The following PDE6B variants were observed in gnomAD, a reference collection of about 807,000 sequenced individuals.
The protein encoded by PDE6B is phosphodiesterase 6B.
PDE6B carries 106 observed loss-of-function variants against 109.0 expected under a neutral mutation model. The ratio of observed to expected loss-of-function variants is 0.97; its 90% CI spans 0.83 to 1.14. PDE6B has a LOEUF of 1.14. Among genes scored for constraint, PDE6B ranks in the 50% most tolerant of loss-of-function variants. The pLI is 0.00. For synonymous variants in PDE6B, 490 were observed against 471.3 expected (o/e 1.04, Z -0.51); for missense variants, 1,193 against 1,155.6 (o/e 1.03, Z -0.47).
chr4:654,980 C>T lies in PDE6B; in HGVS notation c.992+92C>T, dbSNP rs1400700386. 3 of 838,166 alleles carry T rather than the reference C, an allele frequency of 3.6e-6. No individual in the cohort carries two copies. In the East Asian group the frequency reaches 7.3e-5, roughly 20 times the overall value. 51.9% of individuals were successfully genotyped at this position (838,166 alleles called of 1,614,324 possible). On this transcript the variant is annotated intron_variant, in intron 6 of 21. Coordinates refer to ENST00000496514, the MANE Select transcript of PDE6B (RefSeq NM_000283.4). ...CCCAGGGCCGTCCTCCCAGGGCTTC[C>T]CACGGTGCAGTCAGCAGCACCGGCC...
chr4:663,563 G>A lies in PDE6B; in HGVS notation c.1921-207G>A, dbSNP rs1265889076. Among the ~76,000 whole-genome samples the A allele has an allele frequency of 1.3e-5, 2 of 152,200 alleles. No homozygotes were observed. The highest frequency in any genetic ancestry group is 1.9e-4 in the East Asian group (1 of 5,178). The stretch of plus-strand genomic sequence containing the variant: ...GGTGGTGACCTCTGAGGCCATCTGC[G>A]TCCCAAGCCGACGATGGAGCCGCTG... On this transcript the variant is annotated intron_variant, in intron 15 of 21. Coordinates refer to ENST00000496514, the MANE Select transcript of PDE6B (RefSeq NM_000283.4). The surrounding 1 kb of genome is among the most constrained non-coding windows in gnomAD (Gnocchi z 4.0).
chr4:633,530 CCCTCT>C lies in PDE6B; in HGVS notation c.469-1146_469-1142del, dbSNP rs1734492689. On this transcript the variant is annotated intron_variant, in intron 1 of 21. Transcript: ENST00000496514. This position sits in a 1 kb window ranked among gnomAD's most constrained non-coding sequence, Gnocchi z 4.5. ...GTGGAGGGGAGTTGCGAGGAGTCTG[CCCTCT>C]GCTGCTGCAGGGCCACCGTCCCTAG... Among the ~76,000 whole-genome samples the C allele has an allele frequency of 3.9e-5, 6 of 152,276 alleles. No homozygotes were observed. The South Asian group carries it at 1.2e-3, about 32-fold the overall frequency.
At position 626,914 on chromosome 4, in the gene PDE6B, G is replaced by T. The variant is rs922197333; in HGVS notation, c.468+820G>T. On this transcript the variant is annotated intron_variant, in intron 1 of 21. Transcript: ENST00000496514. This position sits in a 1 kb window ranked among gnomAD's most constrained non-coding sequence, Gnocchi z 4.6. ...GCCCTGAGGAGCTGCCCGGCAAGGGGGCTCTGAGGAAGAAGGGGAGGGGGG... is the reference window on the plus strand; with the variant it reads ...GCCCTGAGGAGCTGCCCGGCAAGGGTGCTCTGAGGAAGAAGGGGAGGGGGG... Among the ~76,000 whole-genome samples, 1 of 152,176 alleles carries T rather than the reference G, an allele frequency of 6.6e-6. No homozygotes were observed. Among genetic ancestry groups the T allele is most frequent in the African/African-American group, 2.4e-5 (1 of 41,446 alleles).
At chr4:664,074 A>G (rs370867524) in intron 16 of PDE6B, 40 bp from the exon 17 acceptor site, 2 of 1,407,112 alleles carry the variant, frequency 1.4e-6, no homozygotes, top group African/African-American at 2.8e-5. Context: ...GGGTCTCCAC[A>G]CTTGCTCCCA....
chr4:653,093 G>A (rs979393327), intron 3 of PDE6B: 2 of 778,314 alleles, frequency 2.6e-6, no homozygotes, highest in Non-Finnish European at 1.6e-6. Context: ...GGCAACAGGA[G>A]AGCCTGGTCC....
At chr4:661,081 G>C (rs1197171945) in intron 12 of PDE6B, 1 of 166,716 alleles carries the variant, frequency 6.0e-6, no homozygotes, top group Admixed American at 5.7e-5. Context: ...ATAAGTGAAT[G>C]GATAGGTGGA....
At chr4:653,831 C>T in intron 3 of PDE6B, 21 bp from the exon 4 acceptor site, 1 of 1,613,112 alleles carries the variant, frequency 6.2e-7, no homozygotes. Context: ...CACAGGCCCA[C>T]AGGTGTGCCC....
chr4:669,323 CG>C (rs202120994), intron 21 of PDE6B, among the ~76,000 whole-genome samples: 91 of 108,842 alleles, frequency 8.4e-4, no homozygotes, highest in Middle Eastern at 0.011. Flanking sequence ...ATGCTATTCC[CG>C]CTACCCCATG....
rs145627987 is a variant in PDE6B at position 638,941 on chromosome 4, G to T, written c.711+2972G>T. Among the ~76,000 whole-genome samples the T allele has an allele frequency of 9.4e-3, 1,425 of 152,292 alleles. 9 individuals carry two copies. Among genetic ancestry groups the T allele is most frequent in the Non-Finnish European group, 0.016 (1,097 of 68,020 alleles). The stretch of plus-strand genomic sequence containing the variant: ...CCCATGCCCAGGTCATGCCTACCTG[G>T]CCATCGCTCTGGCACAGGGAGCCCA... On this transcript the variant is annotated intron_variant, in intron 3 of 21. Transcript: ENST00000496514.
chr4:659,119 G>A lies in PDE6B; in HGVS notation c.1467+102G>A, dbSNP rs550381905. 211 of 833,944 alleles carry A rather than the reference G, an allele frequency of 2.5e-4. 1 individual carries two copies. The East Asian group carries it at 4.3e-3, about 17-fold the overall frequency. The allele number at this position is 833,944 out of a possible 1,614,324, so 51.7% of individuals were successfully genotyped here. A position where few individuals can be genotyped will look rare whatever the true frequency, so the allele number is the denominator to read the frequency against. ...GGACCCGACGGTGCTTTGCACACAC[G>A]GTCATCAGGGATGTTGGTGCTGTGT... is the stretch of plus-strand genomic sequence containing the variant. On this transcript the variant is annotated intron_variant, in intron 11 of 21. Coordinates refer to ENST00000496514, the MANE Select transcript of PDE6B (RefSeq NM_000283.4).
At chr4:659,426 C>T (rs557091964) in intron 11 of PDE6B, among the ~76,000 whole-genome samples, 6 of 152,252 alleles carry the variant, frequency 3.9e-5, no homozygotes, top group East Asian at 1.9e-4. Flanking sequence ...TGTGTGCATC[C>T]GCATGTGTGC....
At chr4:660,316 G>A (rs1736911805) in intron 11 of PDE6B, 151 bp from the exon 12 acceptor site, 1 of 792,484 alleles carries the variant, frequency 1.3e-6, no homozygotes, top group African/African-American at 1.7e-5. Flanking sequence ...GAGCAGCCTG[G>A]GATACAGGCT....
At chr4:658,378 CG>C (rs1396363188) in intron 10 of PDE6B, among the ~76,000 whole-genome samples, 1 of 102,228 alleles carries the variant, frequency 9.8e-6, no homozygotes, top group Non-Finnish European at 1.9e-5. Flanking sequence ...CACAGGTGTG[CG>C]GGGCAGGTCG....
rs778345754 is a variant in PDE6B, at chr4:665,378, C to T, written c.2268+49C>T. ...CCACTCCTGAAACGGGTGTTAGAGA[C>T]CCCTCTTGGTCCTCAGGAGCCTCAG... On this transcript the variant is annotated intron_variant, in intron 19 of 21. Coordinates refer to ENST00000496514, the MANE Select transcript of PDE6B (RefSeq NM_000283.4). The surrounding 1 kb of genome is among the most constrained non-coding windows in gnomAD (Gnocchi z 4.0). 3.0e-6 allele frequency: 4 copies of T among 1,340,256 alleles called. No individual in the cohort carries two copies. Among genetic ancestry groups the T allele is most frequent in the Admixed American group, 1.7e-5 (1 of 58,914 alleles). 83.0% of individuals were successfully genotyped at this position (1,340,256 alleles called of 1,614,324 possible).
At position 666,548 on chromosome 4, in the gene PDE6B, C is replaced by T. The variant is rs1424165989; in HGVS notation, c.2286C>T (p.Asn762=). Residue 762 remains asparagine, a synonymous_variant, in exon 20 of 22, where the codon AAC becomes AAT. Transcript: ENST00000496514. This position sits in a 1 kb window ranked among gnomAD's most constrained non-coding sequence, Gnocchi z 5.6. The part of the protein sequence containing the change: ...DQQPIPMMDR[N]KAAELPKLQV... Reference sequence around the variant, plus strand: ...CCCACCAGCCTATGATGGACCGGAACAAGGCGGCCGAGCTCCCCAAGCTGC... The same window carrying T: ...CCCACCAGCCTATGATGGACCGGAATAAGGCGGCCGAGCTCCCCAAGCTGC... 6.2e-7 allele frequency: 1 copy of T among 1,612,540 alleles called. No individual in the cohort carries two copies. The highest frequency in any genetic ancestry group is 1.3e-5 in the African/African-American group (1 of 75,018).
intron 3 of PDE6B, among the ~76,000 whole-genome samples, chr4:642,725 CAAAAAAAAAAA>C (rs71636506): frequency 1.4e-4 from 6 of 43,336 alleles, no homozygotes; most frequent in Non-Finnish European, 2.7e-4. Context: ...GACACTGTCT[CAAAAAAAAAAA>C]AAAAAAAAAA....
At position 666,602 on chromosome 4, in the gene PDE6B, A is replaced by G; in HGVS notation, c.2340A>G (p.Thr780=). 6.2e-7 allele frequency: 1 copy of G among 1,607,666 alleles called. No individual in the cohort carries two copies. Among genetic ancestry groups the G allele is most frequent in the Non-Finnish European group, 8.5e-7 (1 of 1,174,464 alleles). The stretch of plus-strand genomic sequence containing the variant: ...TGGGCTTCATCGACTTCGTGTGCAC[A>G]TTCGTGTACAAGGCGAGTGGTTCAC... ...LQVGFIDFVC[T]FVYKEFSRFH... is the part of the protein sequence containing the mutation. Residue 780 remains threonine (T), a synonymous_variant, in exon 20 of 22, where the codon ACA becomes ACG. Coordinates refer to ENST00000496514, the MANE Select transcript of PDE6B (RefSeq NM_000283.4). This position sits in a 1 kb window ranked among gnomAD's most constrained non-coding sequence, Gnocchi z 5.6.
rs398123298 is a variant in PDE6B at position 660,538 on chromosome 4, AC to A, written c.1540del (p.Leu514TrpfsTer61). 1.9e-5 allele frequency: 31 copies of A among 1,613,756 alleles called. No individual in the cohort carries two copies. The Admixed American group carries it at 3.8e-4, about 20-fold the overall frequency. The part of the protein sequence containing the change: ...FHFSDLECTE[L>X]DLVKCGIQMY... Reference sequence around the variant, plus strand: ...ACTTCTCTGACCTGGAGTGCACCGAACTGGACCTGGTCAAATGTGGCATCCA... The same window carrying A: ...ACTTCTCTGACCTGGAGTGCACCGAATGGACCTGGTCAAATGTGGCATCCA... On this transcript the variant is annotated frameshift_variant, in exon 12 of 22. Coordinates refer to ENST00000496514, the MANE Select transcript of PDE6B (RefSeq NM_000283.4). LOFTEE classifies it high-confidence loss of function.
intron 6 of PDE6B, chr4:655,347 G>C (rs1041745199): frequency 7.2e-6 from 2 of 277,350 alleles, no homozygotes; most frequent in African/African-American, 4.4e-5. Flanking sequence ...CTCCAGCCAA[G>C]GGAGGGGCAG....
Sources: gnomAD v4.1 joint callset for allele counts (sites outside exome capture counted in the v4.1 genomes callset) on GRCh38, gnomAD v4.1.1 for gene constraint, Gnocchi (gnomAD v3.1) non-coding constraint, MANE v1.5 for transcripts, NCBI Gene and HGNC (gene_info 2026-07-23, HGNC 2026-07-21) for gene names.